Variants in ESR1 observed in about 807,000 individuals in gnomAD.
ESR1 encodes estrogen receptor 1.
A neutral mutation model predicts 52.7 loss-of-function variants in ESR1; 12 were observed. The ratio of observed to expected loss-of-function variants is 0.23; its 90% CI spans 0.15 to 0.37. The LOEUF is 0.37. ESR1 is among the 10% of genes least tolerant of loss of function. The pLI is 1.00. For missense variants in ESR1, 584 were observed against 779.7 expected (o/e 0.75, Z 2.99); for synonymous variants, 305 against 316.8 (o/e 0.96, Z 0.39).
chr6:152,125,296 T>A (rs1377535566), exon 7 of ESR1: 13 of 1,550,330 alleles, frequency 8.4e-6, no homozygotes, highest in Non-Finnish European at 1.1e-5. Context: ...AAGAAGAGAA[T>A]CCTGAACTTG....
intron 5 of ESR1, among the ~76,000 whole-genome samples, chr6:152,032,235 CA>C (rs2044785203): frequency 6.6e-6 from 1 of 152,180 alleles, no homozygotes; most frequent in Non-Finnish European, 1.5e-5. Context: ...TGGCACAAGA[CA>C]GGGATGCCCT....
chr6:152,008,249 T>C (rs2042490981), intron 4 of ESR1, among the ~76,000 whole-genome samples: 2 of 152,152 alleles, frequency 1.3e-5, no homozygotes, highest in Admixed American at 6.5e-5. Context: ...CTCCCAACCC[T>C]GACCCAGGAA....
chr6:151,667,765 A>G (rs79706409), intron 1 of ESR1, among the ~76,000 whole-genome samples: 1,706 of 152,328 alleles, frequency 0.011, 31 homozygotes, highest in African/African-American at 0.038. Context: ...TAAGTCTACT[A>G]TGGACATCAA....
chr6:152,072,083 CGCT>C (rs66576296), intron 6 of ESR1, among the ~76,000 whole-genome samples: 31,110 of 152,022 alleles, frequency 0.2, 4,374 homozygotes, highest in African/African-American at 0.39. Context: ...ACGGCTTCCC[CGCT>C]GCTCAGCCAC....
rs1562798384 is a variant in ESR1 at position 152,116,102 on chromosome 6, T to C, written c.851-9164T>C. ...GGGTATGAGGCAAAGGAGGTTTTCA[T>C]CTCTGGTGTGGGTGGGAGTGTAAAT... On this transcript the variant is annotated intron_variant, in intron 6 of 6. Transcript: ENST00000427531. 4.6e-5 allele frequency among the ~76,000 whole-genome samples: 7 copies of C among 152,190 alleles called. No homozygotes were observed. The South Asian group carries it at 1.2e-3, about 27-fold the overall frequency.
At chr6:151,738,775 G>A (rs947816555) in intron 2 of ESR1, among the ~76,000 whole-genome samples, 3 of 152,128 alleles carry the variant, frequency 2.0e-5, no homozygotes, top group Admixed American at 2.0e-4. Flanking sequence ...AATTTCTAAT[G>A]TGCATGAGCT....
chr6:152,084,173 C>T (rs910243468), intron 6 of ESR1, among the ~76,000 whole-genome samples: 2 of 149,654 alleles, frequency 1.3e-5, no homozygotes, highest in African/African-American at 2.5e-5. Flanking sequence ...ATCATGAGGA[C>T]ATAAAACCAA....
rs529704863 is a variant in ESR1, at chr6:152,011,296, T to TTC, written c.1097-358_1097-357dup. Among the ~76,000 whole-genome samples, 9 of 152,254 alleles carry TTC rather than the reference T, an allele frequency of 5.9e-5. No individual in the cohort carries two copies. The East Asian group carries it at 1.7e-3, about 29-fold the overall frequency. On this transcript the variant is annotated intron_variant, in intron 4 of 7. Coordinates refer to ENST00000206249, the MANE Select transcript of ESR1 (RefSeq NM_000125.4). ...TTAAATTTCTTAGCACCTTAGCATC[T>TTC]TCTACTCAAACAGAAATGAGGAACA... is the stretch of plus-strand genomic sequence containing the variant.
At chr6:151,691,332 G>A (rs578240391) in intron 1 of ESR1, among the ~76,000 whole-genome samples, 42 of 152,206 alleles carry the variant, frequency 2.8e-4, no homozygotes, top group African/African-American at 9.4e-4. Context: ...TATAGCAGTG[G>A]GCTACTCGGG....
chr6:151,823,846 C>T (rs1781014905), intron 1 of ESR1, among the ~76,000 whole-genome samples: 1 of 152,144 alleles, frequency 6.6e-6, no homozygotes, highest in Non-Finnish European at 1.5e-5. Context: ...GTATATGTGC[C>T]ACATTTTCTT....
chr6:152,122,686 G>C (rs749838365), intron 6 of ESR1: 1 of 1,613,758 alleles, frequency 6.2e-7, no homozygotes, highest in Non-Finnish European at 8.5e-7. Flanking sequence ...CCTGAGAGAA[G>C]AATGGACATA....
At chr6:151,930,481 A>G (rs1048472415) in intron 3 of ESR1, among the ~76,000 whole-genome samples, 1 of 152,118 alleles carries the variant, frequency 6.6e-6, no homozygotes, top group African/African-American at 2.4e-5. Context: ...TCACTTACCT[A>G]TATACTATAA....
chr6:151,734,260 G>A (rs949407489), intron 2 of ESR1, among the ~76,000 whole-genome samples: 1 of 152,172 alleles, frequency 6.6e-6, no homozygotes, highest in African/African-American at 2.4e-5. Context: ...AATGAGAAGG[G>A]TGATCAAGTA....
intron 5 of ESR1, among the ~76,000 whole-genome samples, chr6:152,027,078 T>C (rs1488798460): frequency 1.3e-5 from 2 of 152,018 alleles, no homozygotes; most frequent in Non-Finnish European, 2.9e-5. Context: ...GCGATTCTCC[T>C]GCCTCAGCCT....
At position 152,022,547 on chromosome 6, in the gene ESR1, G is replaced by A. The variant is rs867016230; in HGVS notation, c.1235+10753G>A. Among the ~76,000 whole-genome samples the A allele has an allele frequency of 3.9e-5, 6 of 152,210 alleles. No individual in the cohort carries two copies. In the South Asian group the frequency reaches 1.2e-3, roughly 32 times the overall value. On this transcript the variant is annotated intron_variant, in intron 5 of 7. Transcript: ENST00000206249. The stretch of plus-strand genomic sequence containing the variant: ...AGAGAAAAGGTATCCAAAGGCCTGA[G>A]GTCAAGACCTCTTAAAAGGCTGACT...
In ESR1 at chr6:152,100,049, T is replaced by C. The variant is rs1472487667; in HGVS notation, c.*1083T>C. On this transcript the variant is annotated 3_prime_UTR_variant, in exon 8 of 8. Transcript: ENST00000206249. ...ACAAGAGGGAAAGTAGGGCAGAAAC[T>C]GGATACAGTTCTGAGGCACAGCCAG... The C allele has an allele frequency of 2.5e-6, 1 of 398,738 alleles. No individual in the cohort carries two copies. 24.7% of individuals were successfully genotyped at this position (398,738 alleles called of 1,614,324 possible).
chr6:151,879,666 T>C (rs562965525), intron 2 of ESR1, among the ~76,000 whole-genome samples: 1 of 152,306 alleles, frequency 6.6e-6, no homozygotes, highest in East Asian at 1.9e-4. Context: ...GGAACTATGG[T>C]AAACTCCTAA....
At chr6:151,843,570 T>G (rs1050695586) in intron 2 of ESR1, among the ~76,000 whole-genome samples, 1 of 152,208 alleles carries the variant, frequency 6.6e-6, no homozygotes, top group Non-Finnish European at 1.5e-5. Flanking sequence ...ATATCCTTTA[T>G]CTGATAGGAA....
downstream of ESR1, among the ~76,000 whole-genome samples, chr6:152,103,545 C>A (rs949160270): frequency 1.2e-4 from 18 of 152,180 alleles, no homozygotes; most frequent in Non-Finnish European, 1.9e-4. Context: ...GCTTCCTTAT[C>A]AACAATATGA....
Sources: gnomAD v4.1 joint callset for allele counts (sites outside exome capture counted in the v4.1 genomes callset) on GRCh38, gnomAD v4.1.1 for gene constraint, MANE v1.5 for transcripts, NCBI Gene and HGNC (gene_info 2026-07-23, HGNC 2026-07-21) for gene names.